The following GALNT13 variants were observed in gnomAD, a reference collection of about 807,000 sequenced individuals.
GALNT13 encodes the protein polypeptide N-acetylgalactosaminyltransferase 13, also known as UDP-GalNAc:polypeptide N-acetylgalactosaminyltransferase 13.
Under a neutral mutation model 64.2 loss-of-function variants are expected in GALNT13, and 28 were observed. The observed-to-expected ratio is 0.44, with a 90% CI of 0.32 to 0.60. The LOEUF (loss-of-function observed/expected upper bound fraction) is 0.60. Among genes scored for constraint, GALNT13 ranks in the 20% least tolerant of loss-of-function variants. The probability of loss-of-function intolerance (pLI) is 0.05; values close to 1 mark genes in which losing one functional copy is unlikely to be tolerated. For synonymous variants in GALNT13, 214 were observed against 224.6 expected (o/e 0.95, Z 0.42); for missense variants, 577 against 669.8 (o/e 0.86, Z 1.53).
At chr2:153,994,562 A>G (rs904158833) in intron 3 of GALNT13, among the ~76,000 whole-genome samples, 2 of 152,154 alleles carry the variant, frequency 1.3e-5, no homozygotes, top group Non-Finnish European at 2.9e-5. Context: ...ATTCTTCCAC[A>G]TCCTCTCCAG....
chr2:154,307,878 A>G lies in GALNT13; in HGVS notation c.1156+6289A>G, dbSNP rs1574062328. 3.3e-5 allele frequency among the ~76,000 whole-genome samples: 5 copies of G among 152,338 alleles called. No homozygotes were observed. The East Asian group carries it at 7.7e-4, about 24-fold the overall frequency. On this transcript the variant is annotated intron_variant, in intron 9 of 12. Transcript: ENST00000392825. ...GCAACATTTTCTTTTCCTCTTGGTC[A>G]CAGGTAAAAAGCTTAAGAACTTTAA...
chr2:153,861,826 G>A, the GALNT13 span, among the ~76,000 whole-genome samples: 12 of 152,104 alleles, frequency 7.9e-5, no homozygotes, highest in African/African-American at 2.2e-4. Flanking sequence ...TGATCTGTCC[G>A]CCTCAGCATC....
intron 3 of GALNT13, among the ~76,000 whole-genome samples, chr2:154,072,256 C>G (rs1033650752): frequency 2.0e-5 from 3 of 152,042 alleles, no homozygotes; most frequent in African/African-American, 4.8e-5. Flanking sequence ...ATGCTAAATC[C>G]TTCTGGACTA....
intron 3 of GALNT13, among the ~76,000 whole-genome samples, chr2:154,078,534 A>G (rs984492729): frequency 6.6e-6 from 1 of 151,486 alleles, no homozygotes; most frequent in African/African-American, 2.4e-5. Context: ...TTTATCTCTG[A>G]ATAATTTCAA....
intron 3 of GALNT13, among the ~76,000 whole-genome samples, chr2:154,093,355 A>T (rs1010298285): frequency 6.6e-6 from 1 of 152,006 alleles, no homozygotes; most frequent in Non-Finnish European, 1.5e-5. Context: ...GTAAAGAGTA[A>T]TTAATGCCCA....
chr2:153,261,591 C>A, the GALNT13 span, among the ~76,000 whole-genome samples: 1 of 152,124 alleles, frequency 6.6e-6, no homozygotes, highest in Non-Finnish European at 1.5e-5. Context: ...CATAAGCAAA[C>A]CTGTGGCCAC....
At chr2:153,233,480 T>C in the GALNT13 span, among the ~76,000 whole-genome samples, 1 of 96,576 alleles carries the variant, frequency 1.0e-5, no homozygotes, top group Non-Finnish European at 2.7e-5. Flanking sequence ...AATAATACCT[T>C]ATTTTTAAAA....
chr2:153,087,082 A>G, the GALNT13 span, among the ~76,000 whole-genome samples: 2 of 152,086 alleles, frequency 1.3e-5, no homozygotes, highest in African/African-American at 4.8e-5. Context: ...AGTTCTTTCA[A>G]CTTCTCCCTA....
chr2:153,719,842 G>A, the GALNT13 span, among the ~76,000 whole-genome samples: 1 of 151,806 alleles, frequency 6.6e-6, no homozygotes, highest in East Asian at 2.0e-4. Context: ...TGCTAGCACA[G>A]CAGTCTGAGA....
intron 3 of GALNT13, among the ~76,000 whole-genome samples, chr2:154,033,161 A>C (rs1318296971): frequency 6.6e-6 from 1 of 152,034 alleles, no homozygotes; most frequent in Non-Finnish European, 1.5e-5. Context: ...CCCATGATTC[A>C]CACCTTATAT....
chr2:153,260,586 G>T, the GALNT13 span, among the ~76,000 whole-genome samples: 2 of 152,030 alleles, frequency 1.3e-5, no homozygotes, highest in African/African-American at 4.8e-5. Flanking sequence ...GAACTCCTTT[G>T]TGTGTTATTT....
chr2:153,876,202 T>TACACACAC (rs56256669), intron 1 of GALNT13, among the ~76,000 whole-genome samples: 1,861 of 148,722 alleles, frequency 0.013, 34 homozygotes, highest in African/African-American at 0.036. Flanking sequence ...CCCCCCACAC[T>TACACACAC]ACACACACAC....
chr2:154,300,496 C>A (rs1008720357), intron 8 of GALNT13, among the ~76,000 whole-genome samples: 1 of 152,000 alleles, frequency 6.6e-6, no homozygotes, highest in Non-Finnish European at 1.5e-5. Flanking sequence ...CAGTATAAAA[C>A]CATGTTTTCC....
At chr2:153,559,269 G>A in the GALNT13 span, among the ~76,000 whole-genome samples, 2 of 152,044 alleles carry the variant, frequency 1.3e-5, no homozygotes, top group Admixed American at 6.6e-5. Flanking sequence ...ATTTGAATAC[G>A]GATTGAAAGA....
the GALNT13 span, among the ~76,000 whole-genome samples, chr2:153,738,698 A>AT: frequency 6.6e-6 from 1 of 151,874 alleles, no homozygotes; most frequent in African/African-American, 2.4e-5. Context: ...CTTTGAGTTG[A>AT]TTTTTTAGGA....
chr2:153,443,061 T>G, the GALNT13 span, among the ~76,000 whole-genome samples: 1 of 152,156 alleles, frequency 6.6e-6, no homozygotes, highest in Non-Finnish European at 1.5e-5. Flanking sequence ...GTGAACGGTT[T>G]TGTCTCGCTG....
At chr2:153,373,581 A>G in the GALNT13 span, among the ~76,000 whole-genome samples, 1 of 152,178 alleles carries the variant, frequency 6.6e-6, no homozygotes, top group Non-Finnish European at 1.5e-5. Context: ...ATATTTTTCA[A>G]ACTAAAAACA....
At chr2:153,275,135 A>G in the GALNT13 span, among the ~76,000 whole-genome samples, 3 of 152,186 alleles carry the variant, frequency 2.0e-5, no homozygotes, top group Admixed American at 6.5e-5. Context: ...CGATTCCTCA[A>G]AAATAACCCC....
the GALNT13 span, among the ~76,000 whole-genome samples, chr2:153,174,228 C>T: frequency 2.6e-5 from 4 of 152,262 alleles, no homozygotes; most frequent in Admixed American, 1.3e-4. Context: ...TCATTCTTCC[C>T]GTTTTCTGAA....
Sources: allele counts gnomAD v4.1 joint callset (sites outside exome capture counted in the v4.1 genomes callset), GRCh38; gene constraint gnomAD v4.1.1; transcripts MANE v1.5; gene names NCBI Gene and HGNC (gene_info 2026-07-23, HGNC 2026-07-21).